The following SGCZ variants were observed in gnomAD, a reference collection of about 807,000 sequenced individuals.
SGCZ encodes sarcoglycan zeta, also known as zeta-sarcoglycan.
A neutral mutation model predicts 41.3 loss-of-function variants in SGCZ; 40 were observed. The ratio of observed to expected loss-of-function variants is 0.97; its 90% CI spans 0.75 to 1.26. SGCZ has a LOEUF of 1.26. Among genes scored for constraint, SGCZ ranks in the 50% most tolerant of loss-of-function variants. The pLI is 0.00. For synonymous variants in SGCZ, 206 were observed against 137.5 expected (o/e 1.50, Z -3.49); for missense variants, 552 against 369.8 (o/e 1.49, Z -4.04).
At chr8:15,087,804 A>G (rs374185273) in intron 1 of SGCZ, among the ~76,000 whole-genome samples, 1 of 152,196 alleles carries the variant, frequency 6.6e-6, no homozygotes, top group Non-Finnish European at 1.5e-5. Context: ...CATAGTATGA[A>G]GAAATTCTCT....
intron 4 of SGCZ, among the ~76,000 whole-genome samples, chr8:14,227,997 G>C (rs973432534): frequency 4.0e-5 from 6 of 151,638 alleles, no homozygotes; most frequent in African/African-American, 9.7e-5. Flanking sequence ...ATCTGGGCTT[G>C]GGTGCCACCT....
chr8:14,663,829 A>G (rs887606298), intron 1 of SGCZ, among the ~76,000 whole-genome samples: 10 of 152,134 alleles, frequency 6.6e-5, no homozygotes, highest in Non-Finnish European at 1.3e-4. Context: ...TTCTCCTTTA[A>G]TCTAGTCACA....
At chr8:14,888,478 T>C (rs1804893174) in intron 1 of SGCZ, among the ~76,000 whole-genome samples, 1 of 152,100 alleles carries the variant, frequency 6.6e-6, no homozygotes, top group Non-Finnish European at 1.5e-5. Flanking sequence ...AGTGAAAGAA[T>C]ATAGAAAGAA....
chr8:14,086,463 T>C lies in SGCZ; in HGVS notation c.*3980A>G, dbSNP rs1295584101. Among the ~76,000 whole-genome samples, 1 of 151,704 alleles carries C rather than the reference T, an allele frequency of 6.6e-6. No homozygotes were observed. Among genetic ancestry groups the C allele is most frequent in the Non-Finnish European group, 1.5e-5 (1 of 67,738 alleles). ...TGATTGAGTCATTCGATAGAATATG[T>C]AGGAATTTTGAATGGAATAAAACAG... On this transcript the variant is annotated 3_prime_UTR_variant, in exon 8 of 8. Coordinates refer to ENST00000382080, the MANE Select transcript of SGCZ (RefSeq NM_139167.4).
chr8:15,093,254 T>G (rs928394580), intron 1 of SGCZ, among the ~76,000 whole-genome samples: 6 of 152,212 alleles, frequency 3.9e-5, no homozygotes, highest in African/African-American at 1.4e-4. Flanking sequence ...AAGTCACAAA[T>G]ACACACACTT....
chr8:14,342,103 G>C (rs1349094206), intron 2 of SGCZ, among the ~76,000 whole-genome samples: 1 of 152,120 alleles, frequency 6.6e-6, no homozygotes, highest in Non-Finnish European at 1.5e-5. Context: ...CAAACTTGTT[G>C]AATGGCTTTG....
intron 7 of SGCZ, among the ~76,000 whole-genome samples, chr8:14,091,244 C>T (rs140473445): frequency 1.6e-4 from 24 of 151,846 alleles, no homozygotes; most frequent in Non-Finnish European, 3.4e-4. Flanking sequence ...CATTGATGGA[C>T]ATTTGGGTTG....
intron 4 of SGCZ, among the ~76,000 whole-genome samples, chr8:14,218,207 G>C (rs1342787062): frequency 6.6e-6 from 1 of 152,104 alleles, no homozygotes; most frequent in African/African-American, 2.4e-5. Context: ...TTCATAGAAA[G>C]TAAAGAACAT....
At chr8:14,769,408 G>C (rs1458037808) in intron 1 of SGCZ, among the ~76,000 whole-genome samples, 1 of 152,138 alleles carries the variant, frequency 6.6e-6, no homozygotes, top group Non-Finnish European at 1.5e-5. Context: ...TTTTAAAAAA[G>C]TTCAAAGACC....
intron 2 of SGCZ, among the ~76,000 whole-genome samples, chr8:14,357,692 T>G (rs1309322415): frequency 6.6e-6 from 1 of 152,208 alleles, no homozygotes. Flanking sequence ...ACACTTTATA[T>G]GTATTATCTT....
At chr8:14,517,011 C>G (rs1802641658) in intron 2 of SGCZ, among the ~76,000 whole-genome samples, 1 of 151,932 alleles carries the variant, frequency 6.6e-6, no homozygotes, top group African/African-American at 2.4e-5. Context: ...ACCAGGAAGT[C>G]AAGAGGTTGT....
chr8:15,086,629 C>A (rs928595941), intron 1 of SGCZ, among the ~76,000 whole-genome samples: 1 of 151,144 alleles, frequency 6.6e-6, no homozygotes, highest in Non-Finnish European at 1.5e-5. Context: ...AAAACATATA[C>A]AATTACTATT....
chr8:15,127,448 A>T (rs1343564641), intron 1 of SGCZ, among the ~76,000 whole-genome samples: 2 of 152,224 alleles, frequency 1.3e-5, no homozygotes, highest in Non-Finnish European at 2.9e-5. Flanking sequence ...GACCAGATAT[A>T]GAGAGCAGTT....
intron 1 of SGCZ, among the ~76,000 whole-genome samples, chr8:15,024,888 A>T (rs7388523): frequency 0.53 from 80,236 of 151,530 alleles, 22,020 homozygotes; most frequent in Non-Finnish European, 0.61. Flanking sequence ...GTGAGCCGAG[A>T]TGGCGCCACT....
chr8:14,822,342 A>G (rs1245488744), intron 1 of SGCZ, among the ~76,000 whole-genome samples: 2 of 152,346 alleles, frequency 1.3e-5, no homozygotes, highest in East Asian at 3.9e-4. Context: ...TGAAGATGAC[A>G]GAATTAAGTG....
chr8:14,891,474 C>G (rs1284118380), intron 1 of SGCZ, among the ~76,000 whole-genome samples: 1 of 152,174 alleles, frequency 6.6e-6, no homozygotes, highest in East Asian at 1.9e-4. Context: ...TGAATTGCTA[C>G]AGTCTCAGGA....
intron 2 of SGCZ, among the ~76,000 whole-genome samples, chr8:14,533,196 C>T (rs1803190299): frequency 6.6e-6 from 1 of 151,814 alleles, no homozygotes; most frequent in South Asian, 2.1e-4. Flanking sequence ...ACCCTGTATC[C>T]AAGTGTTCTC....
intron 2 of SGCZ, among the ~76,000 whole-genome samples, chr8:14,446,749 T>G (rs920872292): frequency 1.3e-5 from 2 of 152,180 alleles, no homozygotes; most frequent in African/African-American, 4.8e-5. Flanking sequence ...AGACTGTAAT[T>G]GAGTCTTCAT....
At chr8:14,634,842 A>T (rs1029407088) in intron 1 of SGCZ, among the ~76,000 whole-genome samples, 3 of 151,912 alleles carry the variant, frequency 2.0e-5, no homozygotes, top group African/African-American at 7.2e-5. Flanking sequence ...GAAAACTGAC[A>T]TCTGTGAATA....
Sources: allele counts gnomAD v4.1 joint callset (sites outside exome capture counted in the v4.1 genomes callset), GRCh38; gene constraint gnomAD v4.1.1; transcripts MANE v1.5; gene names NCBI Gene and HGNC (gene_info 2026-07-23, HGNC 2026-07-21).